The following FLT1 variants were observed in gnomAD, a reference collection of about 807,000 sequenced individuals.
The protein encoded by FLT1 is vascular endothelial growth factor receptor 1.
In FLT1, 49 loss-of-function variants were observed where a neutral mutation model predicts 156.3. That is an observed-to-expected ratio of 0.31 (90% CI 0.25 to 0.40). The LOEUF (loss-of-function observed/expected upper bound fraction) is 0.40, where lower values mean the gene tolerates loss of function less well. Ranked by LOEUF, FLT1 falls within the 10% of genes least tolerant of loss-of-function variation. The probability of loss-of-function intolerance (pLI) is 1.00; values close to 1 mark genes in which losing one functional copy is unlikely to be tolerated. For synonymous variants in FLT1, 594 were observed against 583.8 expected, an observed-to-expected ratio of 1.02 and a Z score of -0.25; for missense variants, 1,322 against 1,637.2, an observed-to-expected ratio of 0.81 and a Z score of 3.32.
intron 1 of FLT1, among the ~76,000 whole-genome samples, chr13:28,476,850 G>C (rs998997475): frequency 3.3e-5 from 5 of 152,234 alleles, no homozygotes; most frequent in Admixed American, 3.3e-4. Flanking sequence ...TCATTTTAAG[G>C]CTGTCTTACA....
At chr13:28,486,545 T>C (rs1003277016) in intron 1 of FLT1, among the ~76,000 whole-genome samples, 4 of 152,192 alleles carry the variant, frequency 2.6e-5, no homozygotes, top group Admixed American at 2.6e-4. Context: ...AATATTTACA[T>C]AGAGAAAAGA....
At position 28,322,594 on chromosome 13, in the gene FLT1, AGAAAACGGTACAG is replaced by A. The variant is rs1337483789; in HGVS notation, c.2953+183_2953+195del. 1.4e-6 allele frequency: 1 copy of A among 728,370 alleles called. No individual in the cohort carries two copies. Among genetic ancestry groups the A allele is most frequent in the Non-Finnish European group, 2.4e-6 (1 of 412,556 alleles). The allele number at this position is 728,370 out of a possible 1,614,324, so 45.1% of individuals were successfully genotyped here. Reference sequence around the variant, plus strand: ...CATTAAGATGAAAATCCCTGAGGGGAGAAAACGGTACAGTTCCCTGTCAAAATTAGTAACTCTG... The same window carrying A: ...CATTAAGATGAAAATCCCTGAGGGGATTCCCTGTCAAAATTAGTAACTCTG... On this transcript the variant is annotated intron_variant, in intron 21 of 29. Coordinates refer to ENST00000282397, the MANE Select transcript of FLT1 (RefSeq NM_002019.4). This position sits in a 1 kb window ranked among gnomAD's most constrained non-coding sequence, Gnocchi z 4.3.
chr13:28,438,403 A>G, intron 3 of FLT1, 58 bp from the exon 4 acceptor site: 2 of 1,361,528 alleles, frequency 1.5e-6, no homozygotes, highest in Non-Finnish European at 2.1e-6. Flanking sequence ...GCAAGCATCT[A>G]GACACTGTAG....
chr13:28,315,621 AAAT>A (rs1332666306), intron 25 of FLT1, among the ~76,000 whole-genome samples: 1 of 136,176 alleles, frequency 7.3e-6, no homozygotes, highest in African/African-American at 3.7e-5. Flanking sequence ...ATGGAAGTAA[AAAT>A]AAAACTTAAT....
intron 14 of FLT1, among the ~76,000 whole-genome samples, chr13:28,377,154 C>T (rs1241494877): frequency 6.6e-6 from 1 of 152,196 alleles, no homozygotes; most frequent in East Asian, 1.9e-4. Flanking sequence ...TCACCTGCCT[C>T]TTCAAAGTAA....
intron 3 of FLT1, among the ~76,000 whole-genome samples, chr13:28,463,268 G>A (rs1017290494): frequency 1.3e-5 from 2 of 152,180 alleles, no homozygotes; most frequent in African/African-American, 4.8e-5. Context: ...ATGATAAAGT[G>A]CTGATATTGA....
At chr13:28,460,826 A>G (rs940731480) in intron 3 of FLT1, among the ~76,000 whole-genome samples, 18 of 150,948 alleles carry the variant, frequency 1.2e-4, no homozygotes, top group East Asian at 1.9e-4. Flanking sequence ...ACACACACAC[A>G]CACGCACGTA....
chr13:28,442,268 G>T (rs936933902), intron 3 of FLT1, among the ~76,000 whole-genome samples: 3 of 152,124 alleles, frequency 2.0e-5, no homozygotes, highest in Middle Eastern at 3.2e-3. Context: ...CAAACACTAA[G>T]AAATGGTTTA....
At chr13:28,307,018 G>A (rs1181536575) in intron 28 of FLT1, among the ~76,000 whole-genome samples, 1 of 152,150 alleles carries the variant, frequency 6.6e-6, no homozygotes, top group South Asian at 2.1e-4. Context: ...TTAGGCAAAA[G>A]GGGAAATGGC....
chr13:28,357,868 C>CTTTTTTTTT (rs57304530), intron 14 of FLT1, among the ~76,000 whole-genome samples, 183 bp from the exon 15 acceptor site: 41 of 104,726 alleles, frequency 3.9e-4, no homozygotes, highest in African/African-American at 1.4e-3. Flanking sequence ...CTTTTCTTTC[C>CTTTTTTTTT]TTTTTTTTTT....
intron 14 of FLT1, among the ~76,000 whole-genome samples, chr13:28,371,528 T>C (rs1482892225): frequency 6.6e-6 from 1 of 152,166 alleles, no homozygotes; most frequent in East Asian, 1.9e-4. Context: ...ATGGTCCCAG[T>C]ATCACAGTGC....
chr13:28,390,256 G>A, intron 12 of FLT1, 152 bp from the exon 13 acceptor site: 1 of 996,238 alleles, frequency 1.0e-6, no homozygotes, highest in South Asian at 1.6e-5. Context: ...AAACACAGCA[G>A]GTGGGAATCA....
At chr13:28,403,674 T>C (rs184389662) in intron 11 of FLT1, among the ~76,000 whole-genome samples, 17 of 152,360 alleles carry the variant, frequency 1.1e-4, no homozygotes, top group Non-Finnish European at 2.1e-4. Flanking sequence ...ATGAATGGCA[T>C]CTTGACATTT....
intron 28 of FLT1, chr13:28,308,551 C>G (rs1870849276): frequency 1.9e-5 from 8 of 418,426 alleles, no homozygotes; most frequent in Admixed American, 1.8e-4. Context: ...GAAAGCAAAG[C>G]TGCATCACTG....
rs890550266 is a variant in FLT1, at chr13:28,439,400, C to T, written c.389-1055G>A. 7.2e-5 allele frequency among the ~76,000 whole-genome samples: 11 copies of T among 152,038 alleles called. No individual in the cohort carries two copies. The highest frequency in any genetic ancestry group is 2.0e-4 in the Admixed American group (3 of 15,262). On this transcript the variant is annotated intron_variant, in intron 3 of 29. Coordinates refer to ENST00000282397, the MANE Select transcript of FLT1 (RefSeq NM_002019.4). The surrounding 1 kb of genome is among the most constrained non-coding windows in gnomAD (Gnocchi z 4.1). ...GGTCCTGCCTCAGGTTTGTGGATTACGAAGCTAATTCAGGATGCTGAATGG... is the reference window on the plus strand; with the variant it reads ...GGTCCTGCCTCAGGTTTGTGGATTATGAAGCTAATTCAGGATGCTGAATGG...
chr13:28,459,288 C>T (rs759322303), intron 3 of FLT1, among the ~76,000 whole-genome samples: 1 of 151,836 alleles, frequency 6.6e-6, no homozygotes, highest in African/African-American at 2.4e-5. Context: ...AAACAGGATC[C>T]ATCACCCAAC....
intron 10 of FLT1, among the ~76,000 whole-genome samples, chr13:28,424,450 AC>A (rs1877220833): frequency 1.3e-5 from 2 of 152,154 alleles, no homozygotes; most frequent in South Asian, 4.2e-4. Context: ...ATATTTTACT[AC>A]TTTTTTTTTA....
chr13:28,321,588 A>T lies in FLT1; in HGVS notation c.3052-3T>A. 2.5e-6 allele frequency: 4 copies of T among 1,614,052 alleles called. No individual in the cohort carries two copies. In the South Asian group the frequency reaches 3.3e-5, roughly 13 times the overall value. ...GCTGCCAGGTCCCGATGAATGCACTATAATAAAACAGTTGCATAATCAATG... is the reference window on the plus strand; with the variant it reads ...GCTGCCAGGTCCCGATGAATGCACTTTAATAAAACAGTTGCATAATCAATG... On this transcript the variant is annotated splice_region_variant and splice_polypyrimidine_tract_variant and intron_variant, in intron 22 of 29. Transcript: ENST00000282397.
At chr13:28,431,353 C>A in intron 6 of FLT1, 43 bp from the exon 7 acceptor site, 1 of 1,396,776 alleles carries the variant, frequency 7.2e-7, no homozygotes, top group South Asian at 1.2e-5. Context: ...AGTGAGTGTT[C>A]ATGCTTAAAG....
Sources: allele counts gnomAD v4.1 joint callset (sites outside exome capture counted in the v4.1 genomes callset), GRCh38; gene constraint gnomAD v4.1.1; non-coding constraint Gnocchi (gnomAD v3.1); transcripts MANE v1.5; gene names NCBI Gene and HGNC (gene_info 2026-07-23, HGNC 2026-07-21).